Variants in DHX9 observed in about 807,000 individuals in gnomAD.
The protein encoded by DHX9 is ATP-dependent RNA helicase A.
Under a neutral mutation model 148.7 loss-of-function variants are expected in DHX9, and 27 were observed. That is an observed-to-expected ratio of 0.18 (90% CI 0.13 to 0.25). The LOEUF is 0.25. DHX9 is among the 10% of genes least tolerant of loss of function. DHX9 has a pLI of 1.00. For missense variants in DHX9, 796 were observed against 1,559.6 expected, an observed-to-expected ratio of 0.51 and a Z score of 8.25; for synonymous variants, 529 against 516.6, an observed-to-expected ratio of 1.02 and a Z score of -0.33.
In DHX9 at chr1:182,879,239, T is replaced by C; in HGVS notation, c.2352-11T>C. On this transcript the variant is annotated splice_polypyrimidine_tract_variant and intron_variant, in intron 20 of 27. Coordinates refer to ENST00000367549, the MANE Select transcript of DHX9 (RefSeq NM_001357.5). Reference sequence around the variant, plus strand: ...AAGGAGGATGGTTATTTTATGCTTATTTTCTCTTAGACTTGAAACCCACAT... The same window carrying C: ...AAGGAGGATGGTTATTTTATGCTTACTTTCTCTTAGACTTGAAACCCACAT... 1 of 1,445,758 alleles carries C rather than the reference T, an allele frequency of 6.9e-7. No individual in the cohort carries two copies. 89.6% of individuals were successfully genotyped at this position (1,445,758 alleles called of 1,614,324 possible).
intron 3 of DHX9, among the ~76,000 whole-genome samples, chr1:182,845,131 C>G (rs542159109): frequency 2.0e-5 from 3 of 152,152 alleles, no homozygotes; most frequent in African/African-American, 7.2e-5. Flanking sequence ...ATTATAGTAT[C>G]TTACAGTCTT....
chr1:182,846,564 A>G (rs2102589953), intron 3 of DHX9, among the ~76,000 whole-genome samples: 1 of 152,362 alleles, frequency 6.6e-6, no homozygotes, highest in African/African-American at 2.4e-5. Context: ...AGATAATATG[A>G]CACTGTCTAC....
chr1:182,873,795 C>G (rs1415462396), intron 15 of DHX9, among the ~76,000 whole-genome samples: 1 of 152,112 alleles, frequency 6.6e-6, no homozygotes, highest in Non-Finnish European at 1.5e-5. Flanking sequence ...ATGCCATTCT[C>G]CAACTAAAGG....
rs909648284 is a variant in DHX9 at position 182,858,248 on chromosome 1, T to C, written c.810+8T>C. 6.2e-7 allele frequency: 1 copy of C among 1,611,700 alleles called. No individual in the cohort carries two copies. Among genetic ancestry groups the C allele is most frequent in the Middle Eastern group, 1.7e-4 (1 of 6,044 alleles). On this transcript the variant is annotated splice_region_variant and intron_variant, in intron 8 of 27. Coordinates refer to ENST00000367549, the MANE Select transcript of DHX9 (RefSeq NM_001357.5). ...AAGAAGGAAGGAGAGACAGTGAGTCTTTAGATTTAATAGACTTGTGAGATA... is the reference window on the plus strand; with the variant it reads ...AAGAAGGAAGGAGAGACAGTGAGTCCTTAGATTTAATAGACTTGTGAGATA...
intron 3 of DHX9, among the ~76,000 whole-genome samples, chr1:182,849,992 CTT>C (rs58198758): frequency 1.9e-5 from 2 of 106,974 alleles, no homozygotes; most frequent in African/African-American, 6.2e-5. Flanking sequence ...ACCCCCCCCC[CTT>C]TTTTTTTTAA....
intron 20 of DHX9, 94 bp from the exon 21 acceptor site, chr1:182,879,156 C>A: frequency 1.0e-6 from 1 of 1,003,592 alleles, no homozygotes; most frequent in Non-Finnish European, 1.4e-6. Context: ...GAGGAAAAGG[C>A]AGCTCTGTAT....
At chr1:182,846,652 A>G (rs971045889) in intron 3 of DHX9, among the ~76,000 whole-genome samples, 2 of 152,100 alleles carry the variant, frequency 1.3e-5, no homozygotes, top group African/African-American at 4.8e-5. Context: ...TGTTTTTAAG[A>G]TCTTTTCCTG....
At position 182,843,289 on chromosome 1, in the gene DHX9, T is replaced by C; in HGVS notation, c.112-5T>C. ...GTCTCTTAGTACTTTTTTTTTTTTT[T>C]AAAGGTTCAGGTGGAAGGTTATAAT... On this transcript the variant is annotated splice_region_variant and splice_polypyrimidine_tract_variant and intron_variant, in intron 2 of 27. Coordinates refer to ENST00000367549, the MANE Select transcript of DHX9 (RefSeq NM_001357.5). The C allele has an allele frequency of 6.5e-7, 1 of 1,530,194 alleles. No homozygotes were observed. The highest frequency in any genetic ancestry group is 8.7e-7 in the Non-Finnish European group (1 of 1,145,172). The allele number at this position is 1,530,194 out of a possible 1,614,324, so 94.8% of individuals were successfully genotyped here. A position where few individuals can be genotyped will look rare whatever the true frequency, so the allele number is the denominator to read the frequency against.
chr1:182,875,610 GATT>G (rs139734841), intron 16 of DHX9, among the ~76,000 whole-genome samples: 3,465 of 152,226 alleles, frequency 0.023, 131 homozygotes, highest in African/African-American at 0.08. Context: ...GAAAACCTAA[GATT>G]ATATCTTTTT....
chr1:182,858,378 C>T (rs1202554082), intron 8 of DHX9, 138 bp downstream of exon 8: 1 of 1,144,070 alleles, frequency 8.7e-7, no homozygotes, highest in African/African-American at 1.6e-5. Context: ...ATCTCTGTGT[C>T]TGGCATGATG....
intron 1 of DHX9, among the ~76,000 whole-genome samples, chr1:182,841,450 CTTG>C (rs1406866731): frequency 5.9e-5 from 9 of 152,300 alleles, no homozygotes; most frequent in African/African-American, 1.9e-4. Context: ...ACCATGAGGG[CTTG>C]TTGTTTAATT....
In DHX9 at chr1:182,853,532, GTTAT is replaced by G. The variant is rs1306909662; in HGVS notation, c.477+117_477+120del. On this transcript the variant is annotated intron_variant, in intron 5 of 27. Transcript: ENST00000367549. Reference sequence around the variant, plus strand: ...AATAATTGGGTGCATCTTTTAAGAGGTTATTTGAGACTACTTATTAGCACAAGTC... The same window carrying G: ...AATAATTGGGTGCATCTTTTAAGAGGTTGAGACTACTTATTAGCACAAGTC... 1.9e-5 allele frequency: 14 copies of G among 719,586 alleles called. 1 individual carries two copies. The highest frequency in any genetic ancestry group is 1.8e-4 in the South Asian group (9 of 49,232). The allele number at this position is 719,586 out of a possible 1,614,324, so 44.6% of individuals were successfully genotyped here.
At chr1:182,886,926 T>A (rs1482971457) in intron 27 of DHX9, among the ~76,000 whole-genome samples, 157 bp from the exon 28 acceptor site, 1 of 152,230 alleles carries the variant, frequency 6.6e-6, no homozygotes, top group African/African-American at 2.4e-5. Context: ...GATGACTGTT[T>A]TAGAATAGCA....
Position 182,883,563 on chromosome 1 carries a change from C to G in DHX9, c.3188C>G (p.Thr1063Ser). 6.2e-7 allele frequency: 1 copy of G among 1,613,442 alleles called. No homozygotes were observed. Among genetic ancestry groups the G allele is most frequent in the Non-Finnish European group, 8.5e-7 (1 of 1,179,808 alleles). The change falls in exon 26 of 28, where the codon ACC becomes AGC. Residue 1063 changes from threonine (T) to serine (S), a missense_variant. Physicochemically the swap from Thr to Ser is moderately conservative, Grantham distance 58. Transcript: ENST00000367549. ...AISAKGMTLV[T>S]PLQLLLFASK... is the part of the protein sequence containing the mutation. ...TCTGCTAAAGGCATGACTTTAGTCA[C>G]CCCCCTGCAGTTGCTTCTCTTTGCC...
Position 182,874,803 on chromosome 1 carries a change from C to T in DHX9, c.1715-51C>T, listed in dbSNP as rs770042134. Reference sequence around the variant, plus strand: ...GAATTAGCAAATGAATTTAGGTCTGCTCCATTGTGAAAGTTGATAGTACTT... The same window carrying T: ...GAATTAGCAAATGAATTTAGGTCTGTTCCATTGTGAAAGTTGATAGTACTT... On this transcript the variant is annotated intron_variant, in intron 15 of 27. Coordinates refer to ENST00000367549, the MANE Select transcript of DHX9 (RefSeq NM_001357.5). 40 of 1,348,852 alleles carry T rather than the reference C, an allele frequency of 3.0e-5. No homozygotes were observed. In the East Asian group the frequency reaches 3.9e-4, roughly 13 times the overall value. 83.6% of individuals were successfully genotyped at this position (1,348,852 alleles called of 1,614,324 possible).
chr1:182,846,395 C>T (rs946175008), intron 3 of DHX9, among the ~76,000 whole-genome samples: 1 of 152,068 alleles, frequency 6.6e-6, no homozygotes, highest in African/African-American at 2.4e-5. Flanking sequence ...CCGCCATGCC[C>T]GGCTAATTTT....
intron 1 of DHX9, among the ~76,000 whole-genome samples, chr1:182,841,115 C>T (rs1254578902): frequency 6.6e-6 from 1 of 152,098 alleles, no homozygotes. Flanking sequence ...CACGGTGAAA[C>T]CCCGTGTCTA....
chr1:182,842,482 A>G, intron 1 of DHX9, 63 bp from the exon 2 acceptor site: 1 of 858,486 alleles, frequency 1.2e-6, no homozygotes, highest in Non-Finnish European at 1.8e-6. Flanking sequence ...TAATCTAGAT[A>G]ATTGGTTCCT....
intron 17 of DHX9, 74 bp from the exon 18 acceptor site, chr1:182,876,373 A>G: frequency 1.3e-6 from 2 of 1,560,364 alleles, no homozygotes; most frequent in Non-Finnish European, 8.8e-7. Context: ...TTTCGAATAA[A>G]AATATGTATA....
Sources: allele counts gnomAD v4.1 joint callset (sites outside exome capture counted in the v4.1 genomes callset), GRCh38; gene constraint gnomAD v4.1.1; transcripts MANE v1.5; gene names NCBI Gene and HGNC (gene_info 2026-07-23, HGNC 2026-07-21).